The following SPEG variants were observed in gnomAD, a reference collection of about 807,000 sequenced individuals.
The protein encoded by SPEG is striated muscle preferentially expressed protein kinase.
In SPEG, 114 loss-of-function variants were observed where a neutral mutation model predicts 300.4. The observed-to-expected ratio is 0.38, with a 90% CI of 0.33 to 0.44. The LOEUF (loss-of-function observed/expected upper bound fraction) is 0.44, where lower values mean the gene tolerates loss of function less well. Ranked by LOEUF, SPEG falls within the 20% of genes least tolerant of loss-of-function variation. The pLI, the probability that SPEG is intolerant of heterozygous loss-of-function variation, is 1.00. For missense variants in SPEG, 4,201 were observed against 4,586.2 expected, an observed-to-expected ratio of 0.92 and a Z score of 2.43; for synonymous variants, 1,964 against 2,018.9, an observed-to-expected ratio of 0.97 and a Z score of 0.73.
At chr2:219,492,352 G>T in intron 40 of SPEG, 92 bp downstream of exon 40, 1 of 1,409,346 alleles carries the variant, frequency 7.1e-7, no homozygotes, top group Non-Finnish European at 9.7e-7. Context: ...CTGCTCCTAG[G>T]AAGAAGTCTG....
intron 6 of SPEG, among the ~76,000 whole-genome samples, chr2:219,455,846 G>A (rs779748450): frequency 2.4e-4 from 36 of 152,174 alleles, no homozygotes; most frequent in Non-Finnish European, 4.9e-4. Context: ...CGTGCGCCCC[G>A]AGAGGAGGCC....
In SPEG at chr2:219,479,959, C is replaced by G; in HGVS notation, c.5164-3C>G. The G allele has an allele frequency of 6.2e-7, 1 of 1,614,226 alleles. No individual in the cohort carries two copies. ...CCCGCACACCTCGCCTTGTGTCTTC[C>G]AGCCTGAGAACCTGCTGGTGTGGGA... is the stretch of plus-strand genomic sequence containing the variant. On this transcript the variant is annotated splice_region_variant and splice_polypyrimidine_tract_variant and intron_variant, in intron 24 of 40. Coordinates refer to ENST00000312358, the MANE Select transcript of SPEG (RefSeq NM_005876.5). This position sits in a 1 kb window ranked among gnomAD's most constrained non-coding sequence, Gnocchi z 5.5.
intron 18 of SPEG, among the ~76,000 whole-genome samples, chr2:219,475,346 T>A (rs1419542628): frequency 1.3e-5 from 2 of 152,278 alleles, no homozygotes; most frequent in East Asian, 1.9e-4. Flanking sequence ...TTTCTGGTGC[T>A]TTCAAAAAAC....
At position 219,484,362 on chromosome 2, in the gene SPEG, C is replaced by T. The variant is rs1443992230; in HGVS notation, c.6899C>T (p.Pro2300Leu). 1 of 1,607,312 alleles carries T rather than the reference C, an allele frequency of 6.2e-7. No homozygotes were observed. The highest frequency in any genetic ancestry group is 8.5e-7 in the Non-Finnish European group (1 of 1,179,372). Reference protein sequence around the residue: ...PEKRVPSAGGPPVLAEKARVP... With the variant: ...PEKRVPSAGGLPVLAEKARVP... ...AAGCGCGTGCCCTCAGCCGGGGGTC[C>T]CCCGGTGCTAGCCGAGAAAGCCCGA... The change falls in exon 30 of 41, where the codon CCC (proline) becomes CTC (leucine). Residue 2300 changes from proline to leucine, a missense_variant. Transcript: ENST00000312358.
In SPEG at chr2:219,489,041, A is replaced by G. The variant is rs1156456864; in HGVS notation, c.8150-13A>G. 7 of 1,613,082 alleles carry G rather than the reference A, an allele frequency of 4.3e-6. No individual in the cohort carries two copies. Among genetic ancestry groups the G allele is most frequent in the African/African-American group, 2.7e-5 (2 of 74,796 alleles). ...CTTCTGTGACCTCAGCCCCTCCCCCATACTGCCTATAGGGGAGTCTGTGTG... is the reference window on the plus strand; with the variant it reads ...CTTCTGTGACCTCAGCCCCTCCCCCGTACTGCCTATAGGGGAGTCTGTGTG... On this transcript the variant is annotated splice_polypyrimidine_tract_variant and intron_variant, in intron 34 of 40. Transcript: ENST00000312358.
chr2:219,478,886 C>G (rs1375017627), intron 22 of SPEG, among the ~76,000 whole-genome samples: 2 of 152,146 alleles, frequency 1.3e-5, no homozygotes, highest in Non-Finnish European at 2.9e-5. Flanking sequence ...CTGGGAGAAC[C>G]TAGGCTCAGA....
chr2:219,472,103 C>T, intron 14 of SPEG, 116 bp downstream of exon 14: 1 of 1,520,550 alleles, frequency 6.6e-7, no homozygotes, highest in African/African-American at 1.4e-5. Flanking sequence ...CCTGGGGACC[C>T]TCTTGCCTTG....
chr2:219,489,038 C>T lies in SPEG; in HGVS notation c.8150-16C>T, dbSNP rs1185151538. 6.2e-7 allele frequency: 1 copy of T among 1,613,190 alleles called. No homozygotes were observed. Among genetic ancestry groups the T allele is most frequent in the Non-Finnish European group, 8.5e-7 (1 of 1,179,662 alleles). On this transcript the variant is annotated splice_polypyrimidine_tract_variant and intron_variant, in intron 34 of 40. Transcript: ENST00000312358. ...CCGCTTCTGTGACCTCAGCCCCTCC[C>T]CCATACTGCCTATAGGGGAGTCTGT... is the stretch of plus-strand genomic sequence containing the variant.
At chr2:219,440,855 G>A (rs910984019) in intron 1 of SPEG, among the ~76,000 whole-genome samples, 4 of 152,170 alleles carry the variant, frequency 2.6e-5, no homozygotes, top group African/African-American at 9.7e-5. Flanking sequence ...TACCAAACAC[G>A]CAATAACTGT....
chr2:219,481,290 C>G lies in SPEG; in HGVS notation c.5370-14C>G. 6.2e-7 allele frequency: 1 copy of G among 1,613,498 alleles called. No homozygotes were observed. The highest frequency in any genetic ancestry group is 8.5e-7 in the Non-Finnish European group (1 of 1,179,642). ...CCCGCCTGCCCCTCATGACAGCCCT[C>G]TTCACCCCTGCAGTCTGACAGGAAT... On this transcript the variant is annotated splice_polypyrimidine_tract_variant and intron_variant, in intron 26 of 40. Coordinates refer to ENST00000312358, the MANE Select transcript of SPEG (RefSeq NM_005876.5). This position sits in a 1 kb window ranked among gnomAD's most constrained non-coding sequence, Gnocchi z 5.4.
Position 219,482,830 on chromosome 2 carries a change from T to A in SPEG, c.5612T>A (p.Phe1871Tyr). The A allele has an allele frequency of 6.2e-7, 1 of 1,613,896 alleles. No homozygotes were observed. The highest frequency in any genetic ancestry group is 8.5e-7 in the Non-Finnish European group (1 of 1,179,950). ...GTGAGCACGGATCACCTGAAGCTAT[T>A]CCTCTCCCGGCGGAGGTGGCAGGTA... The part of the protein sequence containing the change: ...AEVSTDHLKL[F>Y]LSRRRWQRSQ... The change falls in exon 29 of 41, where the codon TTC becomes TAC. Residue 1871 changes from phenylalanine (F) to tyrosine (Y), a missense_variant. By Grantham distance (22) the Phe-to-Tyr change is conservative. This residue lies in a region of SPEG where 1,578 missense variants were observed against 1,506.0 expected (regional missense o/e 1.05). Transcript: ENST00000312358.
Position 219,478,264 on chromosome 2 carries a change from C to T in SPEG, c.5027+159C>T, listed in dbSNP as rs193201791. 3.3e-5 allele frequency among the ~76,000 whole-genome samples: 5 copies of T among 152,320 alleles called. No homozygotes were observed. In the East Asian group the frequency reaches 9.6e-4, roughly 29 times the overall value. On this transcript the variant is annotated intron_variant, in intron 22 of 40. Coordinates refer to ENST00000312358, the MANE Select transcript of SPEG (RefSeq NM_005876.5). Reference sequence around the variant, plus strand: ...TTCTATGAAAACCAACAGTTTTAAGCCCATTGTTAGCTTAAATTTTCATAG... The same window carrying T: ...TTCTATGAAAACCAACAGTTTTAAGTCCATTGTTAGCTTAAATTTTCATAG...
chr2:219,493,520 G>A lies in SPEG; in HGVS notation c.*734G>A. 1 of 456,026 alleles carries A rather than the reference G, an allele frequency of 2.2e-6. No individual in the cohort carries two copies. The highest frequency in any genetic ancestry group is 4.4e-6 in the Non-Finnish European group (1 of 226,296). The allele number at this position is 456,026 out of a possible 1,614,324, so 28.2% of individuals were successfully genotyped here. A position where few individuals can be genotyped will look rare whatever the true frequency, so the allele number is the denominator to read the frequency against. ...TATTTATTTATTTATTGACTTTTAT[G>A]AAGTTTCCCCTTCCATCCGATCCCT... On this transcript the variant is annotated 3_prime_UTR_variant, in exon 41 of 41. Coordinates refer to ENST00000312358, the MANE Select transcript of SPEG (RefSeq NM_005876.5).
At position 219,444,139 on chromosome 2, in the gene SPEG, G is replaced by T; in HGVS notation, c.389-514G>T. 1 of 1,086,200 alleles carries T rather than the reference G, an allele frequency of 9.2e-7. No individual in the cohort carries two copies. The highest frequency in any genetic ancestry group is 1.3e-6 in the Non-Finnish European group (1 of 786,152). The allele number at this position is 1,086,200 out of a possible 1,614,324, so 67.3% of individuals were successfully genotyped here. ...CCCGGCCTCTCCTCACCCTGCCTCA[G>T]CTGCACCCGATGCCTTGCAGCTGGT... On this transcript the variant is annotated intron_variant, in intron 1 of 40. Coordinates refer to ENST00000312358, the MANE Select transcript of SPEG (RefSeq NM_005876.5). This position sits in a 1 kb window ranked among gnomAD's most constrained non-coding sequence, Gnocchi z 7.8.
intron 3 of SPEG, among the ~76,000 whole-genome samples, 190 bp from the exon 4 acceptor site, chr2:219,447,784 G>A (rs982839960): frequency 1.3e-5 from 2 of 151,474 alleles, no homozygotes; most frequent in Admixed American, 6.6e-5. Flanking sequence ...TTCCAGAGCC[G>A]CCGGCCTCTC....
In SPEG at chr2:219,464,509, C is replaced by T. The variant is rs774688575; in HGVS notation, c.2782C>T (p.Arg928Trp). ...EEAEGGLCRL[R>W]ILAAERGDAG... ...GGCTGAGGGTGGGCTGTGCCGGCTG[C>T]GGATCCTGGCTGCAGAGCGTGGCGA... The change falls in exon 9 of 41, where the codon CGG (arginine) becomes TGG (tryptophan). Residue 928 changes from arginine (R) to tryptophan (W), a missense_variant. Coordinates refer to ENST00000312358, the MANE Select transcript of SPEG (RefSeq NM_005876.5). The surrounding 1 kb of genome is among the most constrained non-coding windows in gnomAD (Gnocchi z 4.5). 6.8e-6 allele frequency: 11 copies of T among 1,614,100 alleles called. No homozygotes were observed. Among genetic ancestry groups the T allele is most frequent in the East Asian group, 2.2e-5 (1 of 44,884 alleles).
Position 219,484,462 on chromosome 2 carries a change from C to T in SPEG, c.6999C>T (p.Phe2333=), listed in dbSNP as rs1305275634. The T allele has an allele frequency of 4.3e-6, 7 of 1,611,014 alleles. No homozygotes were observed. Among genetic ancestry groups the T allele is most frequent in the Non-Finnish European group, 5.1e-6 (6 of 1,179,706 alleles). Residue 2333 remains phenylalanine (F), a synonymous_variant, in exon 30 of 41, where the codon TTC becomes TTT. Coordinates refer to ENST00000312358, the MANE Select transcript of SPEG (RefSeq NM_005876.5). ...SIENLESEAV[F]EAKFKRSRES... is the part of the protein sequence containing the mutation. ...AAAACTTGGAGTCGGAGGCCGTGTT[C>T]GAGGCCAAGTTCAAGCGCAGCCGCG...
In SPEG at chr2:219,472,743, G is replaced by A. The variant is rs969895498; in HGVS notation, c.3941-147G>A. 32 of 654,408 alleles carry A rather than the reference G, an allele frequency of 4.9e-5. 1 individual carries two copies. The East Asian group carries it at 8.1e-4, about 17-fold the overall frequency. The allele number at this position is 654,408 out of a possible 1,614,324, so 40.5% of individuals were successfully genotyped here. A position where few individuals can be genotyped will look rare whatever the true frequency, so the allele number is the denominator to read the frequency against. ...CCAGGGAAGTGGCTGGGCAAGAGCA[G>A]ATGGGGGGACAGGCAGGAAGCAACA... On this transcript the variant is annotated intron_variant, in intron 15 of 40. Transcript: ENST00000312358.
Position 219,444,704 on chromosome 2 carries a change from T to C in SPEG, c.440T>C (p.Leu147Pro). ...AGCGATGTGCAGGGAACCCAGCGCCTGGAGCTTCGGGATGACGGGGCCTTC... is the reference window on the plus strand; with the variant it reads ...AGCGATGTGCAGGGAACCCAGCGCCCGGAGCTTCGGGATGACGGGGCCTTC... ...DISDVQGTQRLELRDDGAFST... is the reference protein window; with the variant it reads ...DISDVQGTQRPELRDDGAFST... The change falls in exon 2 of 41, where the codon CTG (leucine) becomes CCG (proline). Residue 147 changes from leucine to proline, a missense_variant. This residue lies in a region of SPEG where 1,258 missense variants were observed against 1,293.9 expected (regional missense o/e 0.97). Coordinates refer to ENST00000312358, the MANE Select transcript of SPEG (RefSeq NM_005876.5). This position sits in a 1 kb window ranked among gnomAD's most constrained non-coding sequence, Gnocchi z 7.8. The C allele has an allele frequency of 1.2e-6, 2 of 1,614,022 alleles. No homozygotes were observed. Among genetic ancestry groups the C allele is most frequent in the Non-Finnish European group, 1.7e-6 (2 of 1,179,946 alleles).
Sources: allele counts gnomAD v4.1 joint callset (sites outside exome capture counted in the v4.1 genomes callset), GRCh38; gene constraint gnomAD v4.1.1; regional missense constraint gnomAD v4.1.1; non-coding constraint Gnocchi (gnomAD v3.1); transcripts MANE v1.5; gene names NCBI Gene and HGNC (gene_info 2026-07-23, HGNC 2026-07-21).